Variants in TENM3 observed in about 807,000 individuals in gnomAD.
The protein encoded by TENM3 is teneurin-3.
In TENM3, 63 loss-of-function variants were observed where a neutral mutation model predicts 255.1. The observed-to-expected ratio is 0.25, with a 90% CI of 0.20 to 0.30. The LOEUF is 0.30. TENM3 is among the 10% of genes least tolerant of loss of function. The pLI, the probability that TENM3 is intolerant of heterozygous loss-of-function variation, is 1.00. For missense variants in TENM3, 2,929 were observed against 3,461.1 expected, an observed-to-expected ratio of 0.85 and a Z score of 3.86; for synonymous variants, 1,306 against 1,322.3, an observed-to-expected ratio of 0.99 and a Z score of 0.27.
chr4:182,733,815 C>T (rs893922887), intron 16 of TENM3, among the ~76,000 whole-genome samples: 6 of 152,126 alleles, frequency 3.9e-5, no homozygotes, highest in Non-Finnish European at 7.4e-5. Context: ...CTCCCCAGGC[C>T]CATCTTGCAG....
At chr4:182,623,649 T>C (rs547647774) in intron 4 of TENM3, among the ~76,000 whole-genome samples, 207 of 152,174 alleles carry the variant, frequency 1.4e-3, no homozygotes, top group Non-Finnish European at 2.4e-3. Context: ...TTAAGCCTCA[T>C]TCCTAGAATC....
At chr4:181,892,672 C>G in the TENM3 span, among the ~76,000 whole-genome samples, 3 of 152,124 alleles carry the variant, frequency 2.0e-5, no homozygotes, top group Non-Finnish European at 2.9e-5. Context: ...TCTTTTTTCT[C>G]TCTGTTTCTG....
intron 3 of TENM3, chr4:182,449,212 C>CGGT: frequency 3.3e-5 from 3 of 90,054 alleles, no homozygotes; most frequent in East Asian, 2.5e-4. Flanking sequence ...GCGGTGGTGG[C>CGGT]GGCGGCGGCG....
intron 19 of TENM3, chr4:182,744,088 G>A (rs985967088): frequency 3.9e-6 from 2 of 507,134 alleles, no homozygotes; most frequent in East Asian, 2.0e-4. Context: ...TTCTAACTGT[G>A]CTTTCTTTTT....
the TENM3 span, among the ~76,000 whole-genome samples, chr4:181,840,679 C>T: frequency 5.1e-4 from 78 of 151,964 alleles, no homozygotes; most frequent in African/African-American, 1.7e-3. Flanking sequence ...TTTTCATTTC[C>T]CTTGATGCTA....
At chr4:182,770,803 C>T (rs1764142404) in intron 22 of TENM3, among the ~76,000 whole-genome samples, 1 of 152,220 alleles carries the variant, frequency 6.6e-6, no homozygotes, top group African/African-American at 2.4e-5. Context: ...CACGGAAAGG[C>T]TGTTCTGAAA....
chr4:182,679,897 AGCATTTTC>A (rs1316467338), intron 8 of TENM3, 21 bp downstream of exon 8: 1 of 1,574,246 alleles, frequency 6.4e-7, no homozygotes, highest in East Asian at 2.3e-5. Context: ...TCTTCAAAGC[AGCATTTTC>A]CAGGCTATAG....
At chr4:182,330,702 C>T (rs1432335522) in intron 2 of TENM3, among the ~76,000 whole-genome samples, 2 of 152,178 alleles carry the variant, frequency 1.3e-5, no homozygotes, top group Non-Finnish European at 2.9e-5. Flanking sequence ...AGAAGAAATA[C>T]CAACTGAATT....
the TENM3 span, among the ~76,000 whole-genome samples, chr4:182,084,282 G>A: frequency 6.6e-6 from 1 of 152,018 alleles, no homozygotes. Flanking sequence ...CCTATTTCAC[G>A]GTAGCTTTGA....
chr4:182,250,274 G>C (rs890041264), intron 1 of TENM3, among the ~76,000 whole-genome samples: 3 of 151,840 alleles, frequency 2.0e-5, no homozygotes, highest in Admixed American at 6.6e-5. Flanking sequence ...GGATGGTCTC[G>C]ATCTCCTGAC....
the TENM3 span, among the ~76,000 whole-genome samples, chr4:181,738,386 C>T: frequency 6.6e-6 from 1 of 152,288 alleles, no homozygotes; most frequent in South Asian, 2.1e-4. Flanking sequence ...TCTGAATCAT[C>T]TGTCCATTGT....
At chr4:182,145,864 T>A (rs575175712) in intron 1 of TENM3, among the ~76,000 whole-genome samples, 1 of 152,202 alleles carries the variant, frequency 6.6e-6, no homozygotes, top group African/African-American at 2.4e-5. Flanking sequence ...TCTGGCAGAA[T>A]CCACTGGGTG....
chr4:181,871,892 G>A, the TENM3 span, among the ~76,000 whole-genome samples: 2 of 152,140 alleles, frequency 1.3e-5, no homozygotes, highest in East Asian at 3.9e-4. Flanking sequence ...AGCCCATCTT[G>A]CATTCCTGGG....
intron 3 of TENM3, among the ~76,000 whole-genome samples, chr4:182,384,473 C>T (rs1767776485): frequency 6.6e-6 from 1 of 151,988 alleles, no homozygotes; most frequent in Non-Finnish European, 1.5e-5. Context: ...ATACTTAGTG[C>T]CCCCAAAATC....
intron 3 of TENM3, among the ~76,000 whole-genome samples, chr4:182,381,719 G>A (rs1029148524): frequency 2.0e-5 from 3 of 151,932 alleles, no homozygotes; most frequent in African/African-American, 4.8e-5. Flanking sequence ...GCACCACCAC[G>A]CCCGGCTAAT....
At chr4:182,526,457 G>A (rs112140935) in intron 3 of TENM3, among the ~76,000 whole-genome samples, 21 of 152,064 alleles carry the variant, frequency 1.4e-4, no homozygotes, top group Admixed American at 6.5e-4. Flanking sequence ...TCAAACACAC[G>A]ACTCTCTCTT....
At chr4:182,217,708 A>C (rs970204148) in intron 1 of TENM3, among the ~76,000 whole-genome samples, 3 of 152,212 alleles carry the variant, frequency 2.0e-5, no homozygotes, top group African/African-American at 7.2e-5. Context: ...ACTCGAATCT[A>C]GGCAGTTTGT....
At chr4:182,034,111 A>G in the TENM3 span, among the ~76,000 whole-genome samples, 1 of 152,212 alleles carries the variant, frequency 6.6e-6, no homozygotes, top group East Asian at 1.9e-4. Flanking sequence ...CAGCAAGGCA[A>G]TCATACAAGG....
the TENM3 span, among the ~76,000 whole-genome samples, chr4:181,725,721 C>T: frequency 1.3e-5 from 2 of 152,074 alleles, no homozygotes; most frequent in Non-Finnish European, 2.9e-5. Context: ...GGATTACAGG[C>T]GTGAACCACC....
Sources: gnomAD v4.1 joint callset for allele counts (sites outside exome capture counted in the v4.1 genomes callset) on GRCh38, gnomAD v4.1.1 for gene constraint, MANE v1.5 for transcripts, NCBI Gene and HGNC (gene_info 2026-07-23, HGNC 2026-07-21) for gene names.